The following PCDHA3 variants were observed in gnomAD, a reference collection of about 807,000 sequenced individuals.
The protein encoded by PCDHA3 is protocadherin alpha 3.
PCDHA3 carries 41 observed loss-of-function variants against 62.2 expected under a neutral mutation model. The ratio of observed to expected loss-of-function variants is 0.66; its 90% CI spans 0.51 to 0.86. The LOEUF is 0.86. Ranked by LOEUF, PCDHA3 falls within the 40% of genes least tolerant of loss-of-function variation. The pLI is 0.00. For missense variants in PCDHA3, 1,304 were observed against 1,241.2 expected (o/e 1.05, Z -0.76); for synonymous variants, 640 against 555.4 (o/e 1.15, Z -2.14).
At chr5:140,957,852 AT>A (rs5871756) in intron 1 of PCDHA3, among the ~76,000 whole-genome samples, 2 of 151,658 alleles carry the variant, frequency 1.3e-5, no homozygotes, top group African/African-American at 2.4e-5. Context: ...GAGTTTGTGT[AT>A]TTTTTTTCCT....
Position 140,886,842 on chromosome 5 carries a change from A to AG in PCDHA3, c.2394+83251_2394+83252insG, listed in dbSNP as rs1190647876. ...ACTTCGTCTTGAAAAAAAAAAAAAA[A>AG]AAAAAGAAAGGTCTTCCCAACTCCT... is the stretch of plus-strand genomic sequence containing the variant. On this transcript the variant is annotated intron_variant, in intron 1 of 3. Coordinates refer to ENST00000522353, the MANE Select transcript of PCDHA3 (RefSeq NM_018906.3). 2.4e-3 allele frequency among the ~76,000 whole-genome samples: 362 copies of AG among 151,632 alleles called. 2 individuals are homozygous for AG. Among genetic ancestry groups the AG allele is most frequent in the Middle Eastern group, 0.014 (4 of 292 alleles).
chr5:141,000,304 G>A (rs1225893261), intron 3 of PCDHA3, among the ~76,000 whole-genome samples: 1 of 147,530 alleles, frequency 6.8e-6, no homozygotes, highest in Non-Finnish European at 1.5e-5. Context: ...GAGGCCAGGA[G>A]TTCAAGACCA....
intron 1 of PCDHA3, chr5:140,875,980 T>A: frequency 6.2e-7 from 1 of 1,614,062 alleles, no homozygotes; most frequent in East Asian, 2.2e-5. Context: ...TCTTTTGACC[T>A]ATGCGTTAAG....
At position 140,843,448 on chromosome 5, in the gene PCDHA3, C is replaced by A. The variant is rs2150360253; in HGVS notation, c.2394+39857C>A. 12 of 1,595,998 alleles carry A rather than the reference C, an allele frequency of 7.5e-6. 1 individual carries two copies. The highest frequency in any genetic ancestry group is 1.3e-5 in the African/African-American group (1 of 74,422). ...TCATCGCCATCTGCGCGGTATCCAGCCTGCTGGTGCTCACGCTGCTGCTGT... is the reference window on the plus strand; with the variant it reads ...TCATCGCCATCTGCGCGGTATCCAGACTGCTGGTGCTCACGCTGCTGCTGT... On this transcript the variant is annotated intron_variant, in intron 1 of 3. Transcript: ENST00000522353.
chr5:140,926,405 T>C (rs1554203436), intron 1 of PCDHA3: 1 of 152,454 alleles, frequency 6.6e-6, no homozygotes, highest in Non-Finnish European at 1.5e-5. Context: ...TTATCAGCAA[T>C]CTGCGGGCAG....
intron 1 of PCDHA3, chr5:140,863,426 T>C: frequency 1.5e-6 from 1 of 661,760 alleles, no homozygotes; most frequent in Non-Finnish European, 2.7e-6. Context: ...CGCAGCGTAG[T>C]GGGATCTGGT....
chr5:140,971,652 G>A (rs1554233517), intron 1 of PCDHA3, among the ~76,000 whole-genome samples: 1 of 152,134 alleles, frequency 6.6e-6, no homozygotes, highest in African/African-American at 2.4e-5. Context: ...ATTAAAAGTA[G>A]ATGGGAATTA....
chr5:140,865,125 A>T (rs1581734540), intron 1 of PCDHA3: 1 of 152,310 alleles, frequency 6.6e-6, no homozygotes, highest in East Asian at 1.9e-4. Flanking sequence ...GGTGTTAATT[A>T]TACCTTAGAA....
intron 1 of PCDHA3, among the ~76,000 whole-genome samples, chr5:140,839,041 C>A (rs1776010412): frequency 6.6e-6 from 1 of 151,884 alleles, no homozygotes; most frequent in African/African-American, 2.4e-5. Context: ...GTTTTCTTTT[C>A]AACGTGAATA....
intron 1 of PCDHA3, among the ~76,000 whole-genome samples, chr5:140,909,201 C>T (rs1379290108): frequency 2.0e-5 from 3 of 152,136 alleles, no homozygotes; most frequent in South Asian, 2.1e-4. Context: ...GACACAAAGC[C>T]GGAGAGTTGA....
intron 1 of PCDHA3, among the ~76,000 whole-genome samples, chr5:140,838,431 T>C (rs2150289310): frequency 1.3e-5 from 2 of 151,754 alleles, no homozygotes; most frequent in Non-Finnish European, 2.9e-5. Context: ...GCCTAAATTA[T>C]ATATTGGGTT....
At chr5:140,917,699 A>G (rs980073163) in intron 1 of PCDHA3, among the ~76,000 whole-genome samples, 1 of 152,058 alleles carries the variant, frequency 6.6e-6, no homozygotes, top group Non-Finnish European at 1.5e-5. Flanking sequence ...AGATCAGATA[A>G]TTGTAGGTGT....
intron 3 of PCDHA3, among the ~76,000 whole-genome samples, chr5:140,986,469 T>G (rs2097202307): frequency 6.6e-6 from 1 of 152,214 alleles, no homozygotes; most frequent in Non-Finnish European, 1.5e-5. Context: ...TGCCCTCTTG[T>G]GATCAGTTCC....
chr5:140,928,161 C>G (rs155820), intron 1 of PCDHA3: 543,775 of 1,613,884 alleles, frequency 0.34, 93,301 homozygotes, highest in East Asian at 0.51. Flanking sequence ...GTGGCTCACC[C>G]CCACTTAGCA....
intron 1 of PCDHA3, chr5:140,969,211 A>T: frequency 6.2e-7 from 1 of 1,614,206 alleles, no homozygotes; most frequent in Non-Finnish European, 8.5e-7. Context: ...GGGCCCAGAC[A>T]GGACCAGGGC....
Position 140,931,003 on chromosome 5 carries a change from A to G in PCDHA3, c.2395-47946A>G, listed in dbSNP as rs2087240942. On this transcript the variant is annotated intron_variant, in intron 1 of 3. Coordinates refer to ENST00000522353, the MANE Select transcript of PCDHA3 (RefSeq NM_018906.3). The stretch of plus-strand genomic sequence containing the variant: ...CTTCCTCATGACCTACACTAATAAC[A>G]TAACAGAGGAATTTTCTGATTGTAG... Among the ~76,000 whole-genome samples the G allele has an allele frequency of 2.0e-5, 3 of 152,232 alleles. No homozygotes were observed. The South Asian group carries it at 6.2e-4, about 32-fold the overall frequency.
At chr5:140,808,266 G>T (rs1764134121) in intron 1 of PCDHA3, 1 of 1,614,128 alleles carries the variant, frequency 6.2e-7, no homozygotes, top group Non-Finnish European at 8.5e-7. Flanking sequence ...CTTCCAATTA[G>T]AGAGGACGCT....
chr5:140,945,539 A>G (rs1233256432), intron 1 of PCDHA3, among the ~76,000 whole-genome samples: 1 of 152,052 alleles, frequency 6.6e-6, no homozygotes, highest in Non-Finnish European at 1.5e-5. Flanking sequence ...AAACATACAA[A>G]CAAAAAAATG....
At chr5:140,969,819 A>G (rs2096362307) in intron 1 of PCDHA3, among the ~76,000 whole-genome samples, 1 of 152,168 alleles carries the variant, frequency 6.6e-6, no homozygotes, top group African/African-American at 2.4e-5. Context: ...TATACTCTGG[A>G]CTGTCTACAG....
Sources: allele counts gnomAD v4.1 joint callset (sites outside exome capture counted in the v4.1 genomes callset), GRCh38; gene constraint gnomAD v4.1.1; transcripts MANE v1.5; gene names NCBI Gene and HGNC (gene_info 2026-07-23, HGNC 2026-07-21).